TMEM116: variants seen among roughly 807,000 people sequenced by gnomAD.
The protein encoded by TMEM116 is transmembrane protein 116.
In TMEM116, 38 loss-of-function variants were observed where a neutral mutation model predicts 44.3. The observed-to-expected ratio is 0.86, with a 90% CI of 0.66 to 1.12. TMEM116 has a LOEUF of 1.12. Among genes scored for constraint, TMEM116 ranks in the 50% most tolerant of loss-of-function variants. The pLI, the probability that TMEM116 is intolerant of heterozygous loss-of-function variation, is 0.00. For synonymous variants in TMEM116, 132 were observed against 144.8 expected, an observed-to-expected ratio of 0.91 and a Z score of 0.64; for missense variants, 354 against 401.7, an observed-to-expected ratio of 0.88 and a Z score of 1.01.
At chr12:111,988,488 T>C (rs1489177401) in intron 4 of TMEM116, among the ~76,000 whole-genome samples, 6 of 146,048 alleles carry the variant, frequency 4.1e-5, no homozygotes, top group Non-Finnish European at 7.5e-5. Flanking sequence ...GGTCAGGAGA[T>C]TGAGACTATC....
At chr12:111,965,309 G>A (rs1320574848) in intron 4 of TMEM116, among the ~76,000 whole-genome samples, 1 of 152,120 alleles carries the variant, frequency 6.6e-6, no homozygotes, top group Non-Finnish European at 1.5e-5. Context: ...CTTTTCAGTT[G>A]TATATCCCTC....
At chr12:112,002,266 A>G (rs969309353) in intron 3 of TMEM116, among the ~76,000 whole-genome samples, 2 of 151,870 alleles carry the variant, frequency 1.3e-5, no homozygotes, top group African/African-American at 4.8e-5. Context: ...TTCAAGATCA[A>G]CCAGGCCAAG....
At chr12:111,960,254 C>G (rs1295438741) in intron 4 of TMEM116, among the ~76,000 whole-genome samples, 2 of 151,978 alleles carry the variant, frequency 1.3e-5, no homozygotes, top group Admixed American at 1.3e-4. Context: ...CTTTGGGAGG[C>G]TGAGGCGGGT....
At chr12:111,969,083 G>T (rs2075163299) in intron 4 of TMEM116, among the ~76,000 whole-genome samples, 1 of 151,720 alleles carries the variant, frequency 6.6e-6, no homozygotes, top group East Asian at 1.9e-4. Context: ...CACTTTGGGA[G>T]GCCACGGCGG....
At chr12:112,005,179 A>T in intron 2 of TMEM116, 78 bp downstream of exon 2, 1 of 985,488 alleles carries the variant, frequency 1.0e-6, no homozygotes, top group Non-Finnish European at 1.4e-6. Flanking sequence ...CAAATCCCCA[A>T]GGGGGAAATG....
chr12:111,974,461 C>A (rs1254140459), intron 4 of TMEM116, among the ~76,000 whole-genome samples: 1 of 151,900 alleles, frequency 6.6e-6, no homozygotes, highest in African/African-American at 2.4e-5. Flanking sequence ...ACCAGCCTGG[C>A]CAACATGGTA....
At chr12:111,957,445 T>G (rs2074214760) in intron 4 of TMEM116, among the ~76,000 whole-genome samples, 1 of 151,426 alleles carries the variant, frequency 6.6e-6, no homozygotes, top group African/African-American at 2.4e-5. Context: ...CCACCCCGTC[T>G]GGGAAGTGAG....
chr12:111,931,572 C>T lies in TMEM116; in HGVS notation c.*49G>A. ...GTCCTTTCCCAACATTCTTTCCAAT[C>T]CATTAGCGTAGAATAACTCCAGTTC... On this transcript the variant is annotated 3_prime_UTR_variant, in exon 11 of 11. Transcript: ENST00000552374. The T allele has an allele frequency of 1.3e-6, 2 of 1,547,856 alleles. No homozygotes were observed. Among genetic ancestry groups the T allele is most frequent in the Non-Finnish European group, 1.8e-6 (2 of 1,121,098 alleles).
intron 1 of TMEM116, among the ~76,000 whole-genome samples, chr12:112,007,191 G>A (rs2077626775): frequency 6.6e-6 from 1 of 152,158 alleles, no homozygotes; most frequent in Admixed American, 6.5e-5. Context: ...AAGTCAGGTG[G>A]ATCACTTGAG....
At chr12:111,973,832 G>A (rs950388538) in intron 4 of TMEM116, among the ~76,000 whole-genome samples, 6 of 152,014 alleles carry the variant, frequency 3.9e-5, no homozygotes, top group African/African-American at 9.7e-5. Flanking sequence ...GCTGAGGCAG[G>A]AGAATCACTT....
chr12:111,972,412 C>T lies in TMEM116; in HGVS notation c.210+19346G>A, dbSNP rs538776732. On this transcript the variant is annotated intron_variant, in intron 4 of 10. Coordinates refer to ENST00000552374, the MANE Select transcript of TMEM116 (RefSeq NM_001193531.2). ...GTCAGATATCAATACTCCTCACTCA[C>T]TAATGAATAAAATAAATAGAAAATT... Among the ~76,000 whole-genome samples, 7 of 152,268 alleles carry T rather than the reference C, an allele frequency of 4.6e-5. No individual in the cohort carries two copies. The East Asian group carries it at 5.8e-4, about 13-fold the overall frequency.
chr12:111,940,544 T>TATATATATATATATAG (rs1747235043), intron 5 of TMEM116, among the ~76,000 whole-genome samples: 1 of 84,532 alleles, frequency 1.2e-5, no homozygotes, highest in Admixed American at 1.1e-4. Flanking sequence ...TATATATATA[T>TATATATATATATATAG]ACACACACAC....
At chr12:112,008,374 G>A (rs760839418) in intron 1 of TMEM116, among the ~76,000 whole-genome samples, 2 of 151,828 alleles carry the variant, frequency 1.3e-5, no homozygotes, top group African/African-American at 4.8e-5. Flanking sequence ...CCAGCTACTC[G>A]GGAGGCTGAG....
In TMEM116 at chr12:111,943,268, T is replaced by G; in HGVS notation, c.312A>C (p.Pro104=). The change falls in exon 5 of 11, where the codon CCA becomes CCC. Residue 104 remains proline (P), a synonymous_variant. Coordinates refer to ENST00000552374, the MANE Select transcript of TMEM116 (RefSeq NM_001193531.2). ...ATCAGCCCTGAATAAAACTTACCAG[T>G]GGAGATGTGCTCTGTCCACTCTGGG... The part of the protein sequence containing the change: ...KHTQSGQSTS[P]LVIDYTCRVC... 1 of 1,611,600 alleles carries G rather than the reference T, an allele frequency of 6.2e-7. No homozygotes were observed. Among genetic ancestry groups the G allele is most frequent in the Non-Finnish European group, 8.5e-7 (1 of 1,177,792 alleles).
intron 3 of TMEM116, among the ~76,000 whole-genome samples, chr12:112,002,848 C>T (rs1390893666): frequency 6.6e-6 from 1 of 152,214 alleles, no homozygotes; most frequent in Non-Finnish European, 1.5e-5. Context: ...AAAGCTCTCC[C>T]ATACATGTCC....
chr12:111,983,833 C>A (rs1292502741), intron 4 of TMEM116, among the ~76,000 whole-genome samples: 2 of 152,092 alleles, frequency 1.3e-5, no homozygotes, highest in Non-Finnish European at 2.9e-5. Context: ...TTCTATGAGG[C>A]CAGCAAAACC....
chr12:111,984,723 G>A (rs2076131381), intron 4 of TMEM116, among the ~76,000 whole-genome samples: 1 of 152,012 alleles, frequency 6.6e-6, no homozygotes, highest in Admixed American at 6.6e-5. Context: ...AAAAACGGTT[G>A]AAGGGATGGA....
intron 10 of TMEM116, among the ~76,000 whole-genome samples, 186 bp downstream of exon 10, chr12:111,932,397 TACA>T (rs2071727965): frequency 6.6e-6 from 1 of 152,262 alleles, no homozygotes; most frequent in Non-Finnish European, 1.5e-5. Context: ...GAGGTACTTT[TACA>T]ACATTATCTA....
chr12:111,947,869 T>A (rs2073408636), intron 4 of TMEM116, among the ~76,000 whole-genome samples: 2 of 152,298 alleles, frequency 1.3e-5, no homozygotes, highest in Non-Finnish European at 2.9e-5. Context: ...AAAAAATTAG[T>A]TACATGAGAT....
Sources: gnomAD v4.1 joint callset for allele counts (sites outside exome capture counted in the v4.1 genomes callset) on GRCh38, gnomAD v4.1.1 for gene constraint, MANE v1.5 for transcripts, NCBI Gene and HGNC (gene_info 2026-07-23, HGNC 2026-07-21) for gene names.